Variants in HIP1 observed in about 807,000 individuals in gnomAD.
HIP1 encodes the protein huntingtin-interacting protein 1.
HIP1 carries 65 observed loss-of-function variants against 147.6 expected under a neutral mutation model. The observed-to-expected ratio is 0.44, with a 90% CI of 0.36 to 0.54. The LOEUF (loss-of-function observed/expected upper bound fraction) is 0.54, where lower values mean the gene tolerates loss of function less well. Ranked by LOEUF, HIP1 falls within the 20% of genes least tolerant of loss-of-function variation. The probability of loss-of-function intolerance (pLI) is 0.00; values close to 1 mark genes in which losing one functional copy is unlikely to be tolerated. For missense variants in HIP1, 1,061 were observed against 1,299.6 expected, an observed-to-expected ratio of 0.82 and a Z score of 2.82; for synonymous variants, 479 against 504.0, an observed-to-expected ratio of 0.95 and a Z score of 0.67.
At chr7:75,561,238 G>T in intron 13 of HIP1, 91 bp downstream of exon 13, 1 of 953,446 alleles carries the variant, frequency 1.0e-6, no homozygotes, top group Non-Finnish European at 1.7e-6. Flanking sequence ...ACAGGTGTGA[G>T]CCACTGTGCC....
In HIP1 at chr7:75,705,317, T is replaced by G. The variant is rs554943359; in HGVS notation, c.120+33484A>C. Among the ~76,000 whole-genome samples, 4 of 152,300 alleles carry G rather than the reference T, an allele frequency of 2.6e-5. 1 individual carries two copies. The South Asian group carries it at 8.3e-4, about 32-fold the overall frequency. ...ACTTATTTTGCCTAAGATAATGTCT[T>G]CAAGGTTCATCCATGTTGTAGCATG... On this transcript the variant is annotated intron_variant, in intron 1 of 30. Coordinates refer to ENST00000336926, the MANE Select transcript of HIP1 (RefSeq NM_005338.7).
chr7:75,594,603 G>A (rs187635204), intron 2 of HIP1, among the ~76,000 whole-genome samples: 10 of 152,046 alleles, frequency 6.6e-5, no homozygotes, highest in South Asian at 2.1e-4. Context: ...GTGAAACCCC[G>A]TCTCTACTAA....
chr7:75,547,612 G>A (rs1438740155), intron 24 of HIP1, 143 bp downstream of exon 24: 3 of 738,862 alleles, frequency 4.1e-6, no homozygotes, highest in African/African-American at 1.7e-5. Flanking sequence ...CATTAATACT[G>A]TTATTGATGA....
At chr7:75,722,625 A>G (rs782325854) in intron 1 of HIP1, among the ~76,000 whole-genome samples, 14 of 152,206 alleles carry the variant, frequency 9.2e-5, no homozygotes, top group African/African-American at 3.1e-4. Context: ...GGAAGCACCT[A>G]TTTACTTCCC....
At chr7:75,670,972 C>T (rs1008594607) in intron 1 of HIP1, among the ~76,000 whole-genome samples, 6 of 151,926 alleles carry the variant, frequency 3.9e-5, no homozygotes, top group Non-Finnish European at 7.4e-5. Flanking sequence ...CCTCATATAA[C>T]GGGAGTCATG....
chr7:75,586,846 G>A lies in HIP1; in HGVS notation c.385-13C>T, dbSNP rs181157791. The A allele has an allele frequency of 7.9e-3, 12,485 of 1,574,364 alleles. 70 individuals carry two copies. Among genetic ancestry groups the A allele is most frequent in the Non-Finnish European group, 9.9e-3 (11,350 of 1,144,666 alleles). ...CGCTCAGGTGGCCCTTTTAGGAAGAGGAGGGGAAACAGAGTCAACAACAAG... is the reference window on the plus strand; with the variant it reads ...CGCTCAGGTGGCCCTTTTAGGAAGAAGAGGGGAAACAGAGTCAACAACAAG... On this transcript the variant is annotated splice_polypyrimidine_tract_variant and intron_variant, in intron 4 of 30. Coordinates refer to ENST00000336926, the MANE Select transcript of HIP1 (RefSeq NM_005338.7).
rs1799434033 is a variant in HIP1 at position 75,664,039 on chromosome 7, CACATATATGTGTATAT to C, written c.121-64808_121-64793del. Reference sequence around the variant, plus strand: ...ATACACATATATGTGTATATATATACACATATATGTGTATATACACATATATGTGTATATACACACA... The same window carrying C: ...ATACACATATATGTGTATATATATACACACATATATGTGTATATACACACA... On this transcript the variant is annotated intron_variant, in intron 1 of 30. Coordinates refer to ENST00000336926, the MANE Select transcript of HIP1 (RefSeq NM_005338.7). Among the ~76,000 whole-genome samples the C allele has an allele frequency of 1.3e-4, 3 of 23,826 alleles. 1 individual carries two copies. The highest frequency in any genetic ancestry group is 2.0e-4 in the Non-Finnish European group (3 of 14,840). 15.6% of individuals were successfully genotyped at this position (23,826 alleles called of 152,430 possible).
rs1563278140 is a variant in HIP1, at chr7:75,663,984, GTATATATATACACATATATGTGTA to G, written c.121-64761_121-64738del. Among the ~76,000 whole-genome samples the G allele has an allele frequency of 7.7e-4, 6 of 7,782 alleles. 1 individual carries two copies. Among genetic ancestry groups the G allele is most frequent in the South Asian group, 5.8e-3 (1 of 172 alleles). 5.1% of individuals were successfully genotyped at this position (7,782 alleles called of 152,430 possible). On this transcript the variant is annotated intron_variant, in intron 1 of 30. Coordinates refer to ENST00000336926, the MANE Select transcript of HIP1 (RefSeq NM_005338.7). ...TGTATATATATATACACATATATGT[GTATATATATACACATATATGTGTA>G]TATATATACACATATATGTGTATAT...
intron 1 of HIP1, among the ~76,000 whole-genome samples, chr7:75,640,966 G>A (rs1798633007): frequency 6.6e-6 from 1 of 151,676 alleles, no homozygotes; most frequent in Non-Finnish European, 1.5e-5. Flanking sequence ...GATGAAATTG[G>A]GACTCTATCT....
chr7:75,628,083 T>C (rs1798102227), intron 1 of HIP1, among the ~76,000 whole-genome samples: 1 of 152,224 alleles, frequency 6.6e-6, no homozygotes, highest in South Asian at 2.1e-4. Context: ...TGCAGCCATT[T>C]CTGCATCTAA....
chr7:75,687,990 T>A (rs1170869097), intron 1 of HIP1, among the ~76,000 whole-genome samples: 3 of 152,162 alleles, frequency 2.0e-5, no homozygotes, highest in African/African-American at 7.2e-5. Flanking sequence ...GGCTAGCCCA[T>A]GTGGTACCAC....
intron 9 of HIP1, among the ~76,000 whole-genome samples, chr7:75,564,651 G>T (rs1165921467): frequency 6.6e-6 from 1 of 152,150 alleles, no homozygotes; most frequent in Non-Finnish European, 1.5e-5. Flanking sequence ...CTGGAGTATA[G>T]TGGCAAAATC....
At chr7:75,670,024 C>T (rs1799686534) in intron 1 of HIP1, among the ~76,000 whole-genome samples, 1 of 152,222 alleles carries the variant, frequency 6.6e-6, no homozygotes, top group Non-Finnish European at 1.5e-5. Flanking sequence ...TAGTCTTGAA[C>T]TCCTGACCTC....
intron 1 of HIP1, among the ~76,000 whole-genome samples, chr7:75,703,184 C>T (rs1800887302): frequency 6.6e-6 from 1 of 152,000 alleles, no homozygotes; most frequent in Non-Finnish European, 1.5e-5. Flanking sequence ...CCCATCTCTA[C>T]TAAAAATAGA....
At chr7:75,680,815 G>A (rs782007473) in intron 1 of HIP1, among the ~76,000 whole-genome samples, 41 of 151,012 alleles carry the variant, frequency 2.7e-4, no homozygotes, top group Non-Finnish European at 5.0e-4. Context: ...TTGCTCTGTC[G>A]CCCAGGCTGG....
intron 9 of HIP1, 56 bp from the exon 10 acceptor site, chr7:75,563,319 G>A: frequency 6.5e-7 from 1 of 1,546,824 alleles, no homozygotes; most frequent in Non-Finnish European, 8.9e-7. Flanking sequence ...CCCCATGTAG[G>A]GGACAGAGCA....
intron 21 of HIP1, 108 bp from the exon 22 acceptor site, chr7:75,553,697 C>G: frequency 9.5e-7 from 1 of 1,051,632 alleles, no homozygotes; most frequent in South Asian, 1.5e-5. Context: ...ACTCCGCCTC[C>G]TGAGTTCAAG....
chr7:75,544,991 T>C, intron 26 of HIP1, 97 bp downstream of exon 26: 1 of 838,312 alleles, frequency 1.2e-6, no homozygotes, highest in Non-Finnish European at 2.0e-6. Flanking sequence ...AGTTTATTTC[T>C]AAGGGACAGA....
At chr7:75,696,512 C>T (rs1380648850) in intron 1 of HIP1, among the ~76,000 whole-genome samples, 3 of 118,754 alleles carry the variant, frequency 2.5e-5, no homozygotes. Flanking sequence ...TTCCCTTCTC[C>T]TCCCCTCCCC....
Sources: gnomAD v4.1 joint callset for allele counts (sites outside exome capture counted in the v4.1 genomes callset) on GRCh38, gnomAD v4.1.1 for gene constraint, MANE v1.5 for transcripts, NCBI Gene and HGNC (gene_info 2026-07-23, HGNC 2026-07-21) for gene names.